Variants in ADGRB3 observed in about 807,000 individuals in gnomAD.
ADGRB3 encodes the protein brain-specific angiogenesis inhibitor 3.
A neutral mutation model predicts 193.4 loss-of-function variants in ADGRB3; 37 were observed. That is an observed-to-expected ratio of 0.19 (90% CI 0.15 to 0.25). The LOEUF (loss-of-function observed/expected upper bound fraction) is 0.25. Ranked by LOEUF, ADGRB3 falls within the 10% of genes least tolerant of loss-of-function variation. The pLI, the probability that ADGRB3 is intolerant of heterozygous loss-of-function variation, is 1.00. For synonymous variants in ADGRB3, 690 were observed against 644.2 expected (o/e 1.07, Z -1.08); for missense variants, 1,637 against 1,852.9 (o/e 0.88, Z 2.14).
intron 3 of ADGRB3, among the ~76,000 whole-genome samples, chr6:68,831,020 T>A (rs1467528761): frequency 6.6e-6 from 1 of 151,262 alleles, no homozygotes; most frequent in Non-Finnish European, 1.5e-5. Context: ...CATTTAATGC[T>A]GAATTTTAAT....
intron 3 of ADGRB3, among the ~76,000 whole-genome samples, chr6:68,814,955 C>G (rs968792046): frequency 6.6e-6 from 1 of 152,134 alleles, no homozygotes; most frequent in African/African-American, 2.4e-5. Context: ...GCTAAAAACT[C>G]TCAATAAATT....
intron 3 of ADGRB3, among the ~76,000 whole-genome samples, chr6:68,717,778 G>GA (rs1454700350): frequency 6.6e-6 from 1 of 151,426 alleles, no homozygotes; most frequent in Non-Finnish European, 1.5e-5. Context: ...TGTGTCTCAA[G>GA]AAAAAAATAT....
At chr6:68,772,928 T>TACAC (rs1562023481) in intron 3 of ADGRB3, among the ~76,000 whole-genome samples, 1 of 45,664 alleles carries the variant, frequency 2.2e-5, no homozygotes, top group African/African-American at 1.2e-4. Flanking sequence ...TATATATATA[T>TACAC]ATATACATAC....
chr6:68,866,373 C>T (rs1274772849), intron 3 of ADGRB3, among the ~76,000 whole-genome samples: 2 of 152,198 alleles, frequency 1.3e-5, no homozygotes, highest in Admixed American at 1.3e-4. Flanking sequence ...TTCCCCTTCA[C>T]CTTCTGCCAT....
chr6:69,197,395 T>TTAAA (rs1765324159), intron 17 of ADGRB3, among the ~76,000 whole-genome samples: 1 of 149,140 alleles, frequency 6.7e-6, no homozygotes, highest in African/African-American at 2.5e-5. Flanking sequence ...AAGCAAAGTG[T>TTAAA]GCTTCATGAT....
chr6:69,298,761 A>C (rs1272199832), intron 20 of ADGRB3, among the ~76,000 whole-genome samples: 3 of 151,984 alleles, frequency 2.0e-5, no homozygotes, highest in Non-Finnish European at 4.4e-5. Flanking sequence ...TATTAATATG[A>C]CTTTTTAAAC....
At chr6:68,849,391 G>C (rs1043201021) in intron 3 of ADGRB3, among the ~76,000 whole-genome samples, 6 of 151,624 alleles carry the variant, frequency 4.0e-5, no homozygotes, top group Non-Finnish European at 7.4e-5. Context: ...CTCTTATGTA[G>C]GAGAGGAAAT....
intron 3 of ADGRB3, among the ~76,000 whole-genome samples, chr6:68,795,214 T>C (rs1767183108): frequency 6.6e-6 from 1 of 152,072 alleles, no homozygotes; most frequent in South Asian, 2.1e-4. Flanking sequence ...TGGAAACTTA[T>C]CACTTTAATA....
At chr6:69,377,763 G>C (rs538264699) in intron 30 of ADGRB3, among the ~76,000 whole-genome samples, 8 of 152,046 alleles carry the variant, frequency 5.3e-5, no homozygotes, top group African/African-American at 1.9e-4. Context: ...TCAGACTTAA[G>C]CATCAACTCT....
In ADGRB3 at chr6:68,818,138, C is replaced by A. The variant is rs533021305; in HGVS notation, c.758-112421C>A. ...TATATTAGCTGAGAAGCTCAAAGAA[C>A]ACAGGCTGGTAGAGCAGAAAGAATG... On this transcript the variant is annotated intron_variant, in intron 3 of 31. Transcript: ENST00000370598. Among the ~76,000 whole-genome samples the A allele has an allele frequency of 1.7e-4, 26 of 152,180 alleles. No individual in the cohort carries two copies. The East Asian group carries it at 3.9e-3, about 23-fold the overall frequency.
At chr6:69,098,881 T>C (rs1190804920) in intron 17 of ADGRB3, among the ~76,000 whole-genome samples, 1 of 152,240 alleles carries the variant, frequency 6.6e-6, no homozygotes, top group African/African-American at 2.4e-5. Flanking sequence ...GTTGTCTTAA[T>C]TTTTCTGATT....
intron 3 of ADGRB3, among the ~76,000 whole-genome samples, chr6:68,646,640 G>T (rs1454801876): frequency 6.6e-6 from 1 of 151,990 alleles, no homozygotes; most frequent in Non-Finnish European, 1.5e-5. Context: ...TAAAACTTGT[G>T]TATACAGGAC....
chr6:69,273,003 C>T lies in ADGRB3; in HGVS notation c.2814+33777C>T, dbSNP rs763286294. Among the ~76,000 whole-genome samples, 4 of 152,118 alleles carry T rather than the reference C, an allele frequency of 2.6e-5. No individual in the cohort carries two copies. The South Asian group carries it at 6.2e-4, about 24-fold the overall frequency. Reference sequence around the variant, plus strand: ...GCAACCTCCATTTCCCAAGTTCAAGCGATTCTCCTGCCTCAGCCTCCCGAG... The same window carrying T: ...GCAACCTCCATTTCCCAAGTTCAAGTGATTCTCCTGCCTCAGCCTCCCGAG... On this transcript the variant is annotated intron_variant, in intron 20 of 31. Coordinates refer to ENST00000370598, the MANE Select transcript of ADGRB3 (RefSeq NM_001704.3).
chr6:69,186,633 C>T (rs1051506103), intron 17 of ADGRB3, among the ~76,000 whole-genome samples: 1 of 151,846 alleles, frequency 6.6e-6, no homozygotes, highest in East Asian at 1.9e-4. Context: ...TTTGAATAAA[C>T]CTGTGTTAAA....
intron 17 of ADGRB3, among the ~76,000 whole-genome samples, chr6:69,171,313 A>T (rs1775265275): frequency 6.6e-6 from 1 of 152,204 alleles, no homozygotes; most frequent in Admixed American, 6.5e-5. Flanking sequence ...GAAAAGAAGA[A>T]AATGAAGAAA....
At chr6:69,013,196 G>A (rs757598914) in intron 11 of ADGRB3, among the ~76,000 whole-genome samples, 13 of 152,074 alleles carry the variant, frequency 8.5e-5, no homozygotes, top group Non-Finnish European at 1.6e-4. Context: ...AATCCTTCAT[G>A]TGTGAAATGA....
At chr6:69,258,478 A>G (rs1246834504) in intron 20 of ADGRB3, among the ~76,000 whole-genome samples, 2 of 152,236 alleles carry the variant, frequency 1.3e-5, no homozygotes. Context: ...AACACTAGAT[A>G]CAGTTAATGC....
In ADGRB3 at chr6:68,979,887, T is replaced by A. The variant is rs140463993; in HGVS notation, c.1734+4547T>A. Among the ~76,000 whole-genome samples the A allele has an allele frequency of 3.9e-3, 585 of 151,554 alleles. 7 individuals are homozygous for A. Among genetic ancestry groups the A allele is most frequent in the African/African-American group, 0.013 (546 of 41,504 alleles). ...CTCCTCTTCCTCCTCTTCCTCTCTT[T>A]TACATACATACAAACACACACCTGG... On this transcript the variant is annotated intron_variant, in intron 10 of 31. Coordinates refer to ENST00000370598, the MANE Select transcript of ADGRB3 (RefSeq NM_001704.3).
chr6:68,989,946 AT>A (rs770847171), intron 10 of ADGRB3, among the ~76,000 whole-genome samples: 65 of 151,506 alleles, frequency 4.3e-4, no homozygotes, highest in East Asian at 9.7e-4. Flanking sequence ...ATATCAGGCA[AT>A]TTTTTTTTGA....
Sources: gnomAD v4.1 joint callset for allele counts (sites outside exome capture counted in the v4.1 genomes callset) on GRCh38, gnomAD v4.1.1 for gene constraint, MANE v1.5 for transcripts, NCBI Gene and HGNC (gene_info 2026-07-23, HGNC 2026-07-21) for gene names.